CTNND2: variants seen among roughly 807,000 people sequenced by gnomAD.
CTNND2 encodes catenin delta 2, also known as catenin delta-2.
CTNND2 carries 22 observed loss-of-function variants against 144.4 expected under a neutral mutation model. The ratio of observed to expected loss-of-function variants is 0.15; its 90% CI spans 0.11 to 0.22. CTNND2 has a LOEUF of 0.22. CTNND2 is among the 10% of genes least tolerant of loss of function. CTNND2 has a pLI of 1.00. For synonymous variants in CTNND2, 751 were observed against 695.6 expected (o/e 1.08, Z -1.25); for missense variants, 1,353 against 1,618.8 (o/e 0.84, Z 2.82).
chr5:11,390,709 G>C (rs1000435168), intron 6 of CTNND2, among the ~76,000 whole-genome samples: 2 of 152,238 alleles, frequency 1.3e-5, no homozygotes, highest in Non-Finnish European at 2.9e-5. Flanking sequence ...CGGGCCAACA[G>C]TGTCAGGAAT....
At chr5:11,564,722 T>C (rs61763040) in intron 3 of CTNND2, among the ~76,000 whole-genome samples, 2 of 152,216 alleles carry the variant, frequency 1.3e-5, no homozygotes, top group African/African-American at 4.8e-5. Flanking sequence ...TTACGTATAA[T>C]TTGCATTCAG....
intron 12 of CTNND2, among the ~76,000 whole-genome samples, chr5:11,138,210 G>C (rs577221670): frequency 1.3e-5 from 2 of 152,264 alleles, no homozygotes; most frequent in African/African-American, 4.8e-5. Flanking sequence ...TCATTCTGCT[G>C]CATCTCCCTG....
intron 18 of CTNND2, among the ~76,000 whole-genome samples, chr5:10,995,370 G>C (rs886925738): frequency 6.6e-6 from 1 of 152,154 alleles, no homozygotes; most frequent in Non-Finnish European, 1.5e-5. Flanking sequence ...GGAGCAATGC[G>C]TGAGGAGGAG....
chr5:11,303,403 TTCTC>T, intron 9 of CTNND2, among the ~76,000 whole-genome samples: 1 of 152,330 alleles, frequency 6.6e-6, no homozygotes, highest in Non-Finnish European at 1.5e-5. Context: ...TCCTCACACT[TTCTC>T]TATGGCCCTG....
At chr5:11,674,805 A>C (rs1784086640) in intron 2 of CTNND2, among the ~76,000 whole-genome samples, 2 of 152,108 alleles carry the variant, frequency 1.3e-5, no homozygotes, top group African/African-American at 4.8e-5. Flanking sequence ...AGCTCACTGC[A>C]ACCTCTGTCC....
At chr5:11,431,832 C>A (rs192688235) in intron 3 of CTNND2, among the ~76,000 whole-genome samples, 1 of 151,990 alleles carries the variant, frequency 6.6e-6, no homozygotes, top group Non-Finnish European at 1.5e-5. Flanking sequence ...GTTGTTAAAG[C>A]GGCTAAGGTT....
chr5:11,864,074 G>A (rs1795626655), intron 1 of CTNND2, among the ~76,000 whole-genome samples: 2 of 152,014 alleles, frequency 1.3e-5, no homozygotes, highest in Admixed American at 1.3e-4. Flanking sequence ...GCTCTGCTCA[G>A]GTCAGTGTGT....
At chr5:11,440,238 A>T (rs1023726065) in intron 3 of CTNND2, among the ~76,000 whole-genome samples, 1 of 152,192 alleles carries the variant, frequency 6.6e-6, no homozygotes, top group African/African-American at 2.4e-5. Flanking sequence ...AACAGTGTCT[A>T]GCTGATGTGT....
chr5:11,510,829 G>T (rs1331788640), intron 3 of CTNND2, among the ~76,000 whole-genome samples: 1 of 152,064 alleles, frequency 6.6e-6, no homozygotes, highest in Non-Finnish European at 1.5e-5. Flanking sequence ...TACTTGGGAG[G>T]CTGAGGCACA....
intron 12 of CTNND2, among the ~76,000 whole-genome samples, chr5:11,131,916 T>G (rs1391083576): frequency 6.6e-6 from 1 of 152,204 alleles, no homozygotes; most frequent in Non-Finnish European, 1.5e-5. Flanking sequence ...AAAGACTTAT[T>G]AAAGCTGAGA....
chr5:11,160,487 A>G (rs1430277146), intron 11 of CTNND2, among the ~76,000 whole-genome samples: 1 of 152,256 alleles, frequency 6.6e-6, no homozygotes, highest in Non-Finnish European at 1.5e-5. Context: ...AGGCTTTTAA[A>G]TATTTTTTAA....
Position 11,281,648 on chromosome 5 carries a change from T to C in CTNND2, c.1629-44825A>G, listed in dbSNP as rs146605152. Among the ~76,000 whole-genome samples the C allele has an allele frequency of 1.4e-3, 208 of 152,304 alleles. 5 individuals carry two copies. The highest frequency in any genetic ancestry group is 1.1e-3 in the Non-Finnish European group (77 of 68,020). ...AGCTTGAGATCACAGTGTCAACAGA[T>C]TGGTTTATCTGAGGCCTCTCCCCTT... On this transcript the variant is annotated intron_variant, in intron 9 of 21. Transcript: ENST00000304623.
rs61750684 is a variant in CTNND2, at chr5:11,362,727, G to A, written c.1372+1969C>T. Among the ~76,000 whole-genome samples the A allele has an allele frequency of 6.4e-3, 699 of 108,462 alleles. 8 individuals carry two copies. Among genetic ancestry groups the A allele is most frequent in the Non-Finnish European group, 7.3e-3 (391 of 53,648 alleles). 71.2% of individuals were successfully genotyped at this position (108,462 alleles called of 152,430 possible). The stretch of plus-strand genomic sequence containing the variant: ...CCCCCAGCAAATGGGTTTCACCTTT[G>A]AAGCAGTTAGAAGGTTACTATTGCC... On this transcript the variant is annotated intron_variant, in intron 8 of 21. Transcript: ENST00000304623.
rs549021460 is a variant in CTNND2 at position 11,075,385 on chromosome 5, A to C, written c.2788+7311T>G. On this transcript the variant is annotated intron_variant, in intron 16 of 21. Transcript: ENST00000304623. ...TAGAATAGGAACATATGGGGGCGTCAGTCAAAGGAAGATTCTTACACAGCC... is the reference window on the plus strand; with the variant it reads ...TAGAATAGGAACATATGGGGGCGTCCGTCAAAGGAAGATTCTTACACAGCC... 1.1e-4 allele frequency among the ~76,000 whole-genome samples: 16 copies of C among 152,368 alleles called. No homozygotes were observed. The South Asian group carries it at 3.3e-3, about 32-fold the overall frequency.
At position 11,228,700 on chromosome 5, in the gene CTNND2, G is replaced by A. The variant is rs140996620; in HGVS notation, c.1761+7991C>T. Among the ~76,000 whole-genome samples the A allele has an allele frequency of 7.2e-4, 110 of 151,976 alleles. 1 individual carries two copies. Among genetic ancestry groups the A allele is most frequent in the African/African-American group, 2.0e-3 (82 of 41,470 alleles). On this transcript the variant is annotated intron_variant, in intron 10 of 21. Transcript: ENST00000304623. ...AGGGTCTGGCTATGTTGCTGATGCC[G>A]GTCTCCTGAGCTTAAGCAATCCTCC...
chr5:11,338,069 G>A (rs1244013473), intron 9 of CTNND2, among the ~76,000 whole-genome samples: 1 of 152,164 alleles, frequency 6.6e-6, no homozygotes, highest in Non-Finnish European at 1.5e-5. Flanking sequence ...AGTGACCCAG[G>A]ACATCTTAGT....
chr5:11,499,328 C>A (rs901829710), intron 3 of CTNND2, among the ~76,000 whole-genome samples: 6 of 152,190 alleles, frequency 3.9e-5, no homozygotes, highest in Admixed American at 2.6e-4. Context: ...ACTTTTCCTG[C>A]CCTGTCCATC....
chr5:11,471,400 TAAA>T (rs1315143062), intron 3 of CTNND2, among the ~76,000 whole-genome samples: 1 of 152,164 alleles, frequency 6.6e-6, no homozygotes. Context: ...TCTGCTGAAT[TAAA>T]AAAGTTTCTT....
chr5:11,638,917 T>C (rs1328894472), intron 2 of CTNND2, among the ~76,000 whole-genome samples: 2 of 152,182 alleles, frequency 1.3e-5, no homozygotes, highest in Non-Finnish European at 2.9e-5. Context: ...TATTTCTTTA[T>C]ACGCAAAAAG....
Sources: allele counts gnomAD v4.1 joint callset (sites outside exome capture counted in the v4.1 genomes callset), GRCh38; gene constraint gnomAD v4.1.1; transcripts MANE v1.5; gene names NCBI Gene and HGNC (gene_info 2026-07-23, HGNC 2026-07-21).